Variants in BMP3 observed in about 807,000 individuals in gnomAD.
The protein encoded by BMP3 is bone morphogenetic protein 3 (osteogenic).
Under a neutral mutation model 38.1 loss-of-function variants are expected in BMP3, and 23 were observed. That is an observed-to-expected ratio of 0.60 (90% CI 0.43 to 0.86). The LOEUF (loss-of-function observed/expected upper bound fraction) is 0.86, where lower values mean the gene tolerates loss of function less well. Among genes scored for constraint, BMP3 ranks in the 40% least tolerant of loss-of-function variants. The probability of loss-of-function intolerance (pLI) is 0.00; values close to 1 mark genes in which losing one functional copy is unlikely to be tolerated. For synonymous variants in BMP3, 258 were observed against 225.7 expected (o/e 1.14, Z -1.28); for missense variants, 628 against 579.6 (o/e 1.08, Z -0.86).
At chr4:81,038,241 A>G (rs1342460182) in intron 1 of BMP3, among the ~76,000 whole-genome samples, 1 of 152,122 alleles carries the variant, frequency 6.6e-6, no homozygotes, top group African/African-American at 2.4e-5. Flanking sequence ...GAAGTCTTCA[A>G]AATAAGTTAA....
Position 81,046,432 on chromosome 4 carries a change from A to T in BMP3, c.1011A>T (p.Lys337Asn), listed in dbSNP as rs775728617. 3 of 1,613,564 alleles carry T rather than the reference A, an allele frequency of 1.9e-6. No homozygotes were observed. The East Asian group carries it at 6.7e-5, about 36-fold the overall frequency. The change falls in exon 2 of 3, where the codon AAA becomes AAT. Residue 337 changes from lysine to asparagine, a missense_variant. Physicochemically the swap from Lys to Asn is moderately conservative, Grantham distance 94. Coordinates refer to ENST00000282701, the MANE Select transcript of BMP3 (RefSeq NM_001201.5). ...CTGAAAAGAGTAAGAATAAAAAGAA[A>T]CAGAGAAAGGGGCCTCATCGGAAGA... ...QAPEKSKNKK[K>N]QRKGPHRKSQ...
intron 2 of BMP3, among the ~76,000 whole-genome samples, chr4:81,051,738 A>G (rs1740403715): frequency 6.6e-6 from 1 of 152,184 alleles, no homozygotes; most frequent in South Asian, 2.1e-4. Flanking sequence ...ATAAAACAGC[A>G]TGGACTTCCT....
chr4:81,037,777 T>C (rs1739960301), intron 1 of BMP3, among the ~76,000 whole-genome samples: 1 of 152,122 alleles, frequency 6.6e-6, no homozygotes, highest in Non-Finnish European at 1.5e-5. Context: ...AAATGTACTA[T>C]TTTCTGTCCT....
At chr4:81,044,138 G>A (rs992669101) in intron 1 of BMP3, among the ~76,000 whole-genome samples, 1 of 152,168 alleles carries the variant, frequency 6.6e-6, no homozygotes, top group African/African-American at 2.4e-5. Context: ...GAATCAAGGT[G>A]AGTGTAATTC....
chr4:81,049,229 A>C (rs1415910347), intron 2 of BMP3, among the ~76,000 whole-genome samples: 1 of 152,222 alleles, frequency 6.6e-6, no homozygotes, highest in African/African-American at 2.4e-5. Context: ...GACTCTGAAG[A>C]AAGACTACAT....
At chr4:81,040,303 C>T (rs1008196511) in intron 1 of BMP3, among the ~76,000 whole-genome samples, 1 of 152,094 alleles carries the variant, frequency 6.6e-6, no homozygotes, top group Non-Finnish European at 1.5e-5. Context: ...AAAACAAAGC[C>T]GGTTATAGTT....
rs3042536 is a variant in BMP3 at position 81,047,549 on chromosome 4, CA to C, written c.1227+914del. Among the ~76,000 whole-genome samples, 19 of 147,216 alleles carry C rather than the reference CA, an allele frequency of 1.3e-4. 1 individual carries two copies. The highest frequency in any genetic ancestry group is 4.2e-4 in the African/African-American group (17 of 40,316). ...GTAGCAGTTTATATCTCTGTTATAC[CA>C]AAAAAAAAAAAAGTTGCTGAAGGAA... On this transcript the variant is annotated intron_variant, in intron 2 of 2. Coordinates refer to ENST00000282701, the MANE Select transcript of BMP3 (RefSeq NM_001201.5).
At chr4:81,052,485 T>C (rs1740422363) in intron 2 of BMP3, among the ~76,000 whole-genome samples, 1 of 152,154 alleles carries the variant, frequency 6.6e-6, no homozygotes, top group East Asian at 1.9e-4. Context: ...AGTGGTCCCA[T>C]TTGGCATTTT....
At chr4:81,050,258 T>C (rs193062704) in intron 2 of BMP3, among the ~76,000 whole-genome samples, 1 of 152,168 alleles carries the variant, frequency 6.6e-6, no homozygotes, top group African/African-American at 2.4e-5. Context: ...GCTTGGCAGG[T>C]GCAGGCCTGA....
intron 1 of BMP3, among the ~76,000 whole-genome samples, chr4:81,042,872 G>T (rs1740117282): frequency 6.6e-6 from 1 of 152,110 alleles, no homozygotes; most frequent in East Asian, 1.9e-4. Flanking sequence ...ATATGCTCCG[G>T]TGACTGGTAT....
chr4:81,031,026 T>C lies in BMP3; in HGVS notation c.-259T>C, dbSNP rs1739735201. On this transcript the variant is annotated 5_prime_UTR_variant, in exon 1 of 3. Coordinates refer to ENST00000282701, the MANE Select transcript of BMP3 (RefSeq NM_001201.5). ...CTACAGCTCTTTCTCAGCGTTGGAG[T>C]GGAGACGGCGCCCGCAGCGCCCTGC... 2.0e-6 allele frequency: 1 copy of C among 490,020 alleles called. No individual in the cohort carries two copies. Among genetic ancestry groups the C allele is most frequent in the East Asian group, 3.7e-5 (1 of 27,208 alleles). The allele number at this position is 490,020 out of a possible 1,614,324, so 30.4% of individuals were successfully genotyped here.
intron 1 of BMP3, 120 bp downstream of exon 1, chr4:81,031,720 C>A: frequency 1.6e-6 from 2 of 1,216,286 alleles, no homozygotes; most frequent in East Asian, 2.6e-5. Context: ...TTTCTCCGCC[C>A]TCCTCAGCTG....
In BMP3 at chr4:81,053,329, T is replaced by C. The variant is rs773025012; in HGVS notation, c.1228-16T>C. ...TCCACCTAACATATGTGTTCTTCTT[T>C]CATTTCTTTCTCTAGTCTTTGAAGC... On this transcript the variant is annotated splice_polypyrimidine_tract_variant and intron_variant, in intron 2 of 2. Transcript: ENST00000282701. 22 of 1,526,092 alleles carry C rather than the reference T, an allele frequency of 1.4e-5. No individual in the cohort carries two copies. Among genetic ancestry groups the C allele is most frequent in the Non-Finnish European group, 1.8e-5 (21 of 1,139,646 alleles). 94.5% of individuals were successfully genotyped at this position (1,526,092 alleles called of 1,614,324 possible). A position where few individuals can be genotyped will look rare whatever the true frequency, so the allele number is the denominator to read the frequency against.
In BMP3 at chr4:81,046,478, G is replaced by A. The variant is rs1740250573; in HGVS notation, c.1057G>A (p.Glu353Lys). ...GAAGAGCCAGACGCTCCAATTTGATGAGCAGACCCTGAAAAAGGCAAGGAG... is the reference window on the plus strand; with the variant it reads ...GAAGAGCCAGACGCTCCAATTTGATAAGCAGACCCTGAAAAAGGCAAGGAG... ...HRKSQTLQFD[E>K]QTLKKARRKQ... The change falls in exon 2 of 3, where the codon GAG (glutamate) becomes AAG (lysine). Residue 353 changes from glutamate (E) to lysine (K), a missense_variant. By Grantham distance (56) the Glu-to-Lys change is moderately conservative. Transcript: ENST00000282701. 1 of 1,614,072 alleles carries A rather than the reference G, an allele frequency of 6.2e-7. No individual in the cohort carries two copies. The highest frequency in any genetic ancestry group is 8.5e-7 in the Non-Finnish European group (1 of 1,180,010).
At position 81,031,030 on chromosome 4, in the gene BMP3, G is replaced by A; in HGVS notation, c.-255G>A. ...AGCTCTTTCTCAGCGTTGGAGTGGAGACGGCGCCCGCAGCGCCCTGCGCGG... is the reference window on the plus strand; with the variant it reads ...AGCTCTTTCTCAGCGTTGGAGTGGAAACGGCGCCCGCAGCGCCCTGCGCGG... On this transcript the variant is annotated 5_prime_UTR_variant, in exon 1 of 3. Coordinates refer to ENST00000282701, the MANE Select transcript of BMP3 (RefSeq NM_001201.5). 2.0e-6 allele frequency: 1 copy of A among 501,078 alleles called. No individual in the cohort carries two copies. The highest frequency in any genetic ancestry group is 3.5e-6 in the Non-Finnish European group (1 of 287,558). 31.0% of individuals were successfully genotyped at this position (501,078 alleles called of 1,614,324 possible).
At position 81,053,431 on chromosome 4, in the gene BMP3, A is replaced by G. The variant is rs528038253; in HGVS notation, c.1314A>G (p.Val438=). Residue 438 remains valine, a synonymous_variant, in exon 3 of 3, where the codon GTA becomes GTG. Coordinates refer to ENST00000282701, the MANE Select transcript of BMP3 (RefSeq NM_001201.5). The part of the protein sequence containing the change: ...VVPGIPEPCC[V]PEKMSSLSIL... ...CTGGGATTCCTGAGCCTTGCTGTGTACCAGAAAAGATGTCCTCACTCAGTA... is the reference window on the plus strand; with the variant it reads ...CTGGGATTCCTGAGCCTTGCTGTGTGCCAGAAAAGATGTCCTCACTCAGTA... 8 of 1,611,852 alleles carry G rather than the reference A, an allele frequency of 5.0e-6. No homozygotes were observed. The East Asian group carries it at 6.7e-5, about 14-fold the overall frequency.
intron 1 of BMP3, 29 bp downstream of exon 1, chr4:81,031,629 C>A (rs570770564): frequency 1.3e-5 from 20 of 1,528,630 alleles, no homozygotes; most frequent in Non-Finnish European, 1.6e-5. Context: ...ACTCCCTTCC[C>A]GCGGTCCCGC....
At position 81,031,589 on chromosome 4, in the gene BMP3, C is replaced by G. The variant is rs201266454; in HGVS notation, c.305C>G (p.Ala102Gly). 1 of 1,597,626 alleles carries G rather than the reference C, an allele frequency of 6.3e-7. No homozygotes were observed. The highest frequency in any genetic ancestry group is 8.5e-7 in the Non-Finnish European group (1 of 1,173,140). ...REGNTVRSFR[A>G]AAAETLERKG... ...GGCAACACGGTTCGCAGCTTTCGGG[C>G]GGCAGCAGCAGGTGAGTGCGCGAGG... The change falls in exon 1 of 3, where the codon GCG (alanine) becomes GGG (glycine). Residue 102 changes from alanine (A) to glycine (G), a missense_variant. Transcript: ENST00000282701.
chr4:81,039,113 T>A (rs892380236), intron 1 of BMP3, among the ~76,000 whole-genome samples: 1 of 152,174 alleles, frequency 6.6e-6, no homozygotes, highest in South Asian at 2.1e-4. Context: ...GCCTGAAAGT[T>A]AAAGGCAGCA....
Sources: gnomAD v4.1 joint callset for allele counts (sites outside exome capture counted in the v4.1 genomes callset) on GRCh38, gnomAD v4.1.1 for gene constraint, MANE v1.5 for transcripts, NCBI Gene and HGNC (gene_info 2026-07-23, HGNC 2026-07-21) for gene names.